PRKN: variants seen among roughly 807,000 people sequenced by gnomAD.
PRKN encodes the protein parkin RBR E3 ubiquitin protein ligase, also known as E3 ubiquitin-protein ligase parkin.
PRKN carries 56 observed loss-of-function variants against 59.5 expected under a neutral mutation model. The ratio of observed to expected loss-of-function variants is 0.94; its 90% CI spans 0.76 to 1.18. The LOEUF (loss-of-function observed/expected upper bound fraction) is 1.18, where lower values mean the gene tolerates loss of function less well. Among genes scored for constraint, PRKN ranks in the 50% most tolerant of loss-of-function variants. The probability of loss-of-function intolerance (pLI) is 0.00; values close to 1 mark genes in which losing one functional copy is unlikely to be tolerated. For synonymous variants in PRKN, 250 were observed against 222.1 expected (o/e 1.13, Z -1.12); for missense variants, 657 against 596.4 (o/e 1.10, Z -1.06).
Position 162,588,013 on chromosome 6 carries a change from G to GTTTTTTT in PRKN, c.7+139642_7+139648dup, listed in dbSNP as rs71004102. On this transcript the variant is annotated intron_variant, in intron 1 of 11. Transcript: ENST00000366898. Reference sequence around the variant, plus strand: ...ATACTTGAACTAAGTGAGTTTTTGAGTTTTTTTTTTTTTTTTAGATGGAGT... The same window carrying GTTTTTTT: ...ATACTTGAACTAAGTGAGTTTTTGAGTTTTTTTTTTTTTTTTTTTTTTTAGATGGAGT... Among the ~76,000 whole-genome samples, 95 of 136,676 alleles carry GTTTTTTT rather than the reference G, an allele frequency of 7.0e-4. 1 individual carries two copies. The East Asian group carries it at 9.7e-3, about 14-fold the overall frequency. The allele number at this position is 136,676 out of a possible 152,430, so 89.7% of individuals were successfully genotyped here.
intron 7 of PRKN, among the ~76,000 whole-genome samples, chr6:161,737,333 CG>C (rs1467558020): frequency 6.6e-6 from 1 of 152,088 alleles, no homozygotes; most frequent in African/African-American, 2.4e-5. Flanking sequence ...GGACAGCGGG[CG>C]CCCTTGCGAA....
intron 2 of PRKN, among the ~76,000 whole-genome samples, chr6:162,397,733 G>C (rs750970477): frequency 6.6e-6 from 1 of 152,154 alleles, no homozygotes; most frequent in Non-Finnish European, 1.5e-5. Context: ...GAGCACACTC[G>C]GCAGTAGAAA....
chr6:162,272,647 C>T (rs1278358859), intron 2 of PRKN, among the ~76,000 whole-genome samples: 1 of 152,036 alleles, frequency 6.6e-6, no homozygotes, highest in African/African-American at 2.4e-5. Context: ...AAATCATATA[C>T]CTCCGCGATT....
At position 161,977,541 on chromosome 6, in the gene PRKN, G is replaced by GTTTTTTTTTTTTTTTTTTTTTTTTT. The variant is rs1562433349; in HGVS notation, c.619-4125_619-4124insAAAAAAAAAAAAAAAAAAAAAAAAA. On this transcript the variant is annotated intron_variant, in intron 5 of 11. Coordinates refer to ENST00000366898, the MANE Select transcript of PRKN (RefSeq NM_004562.3). ...TATCTTCTCTACTTTCTGTTTTTTTGGTTTTTTTTTTTTTTTTTTTTTTTA... is the reference window on the plus strand; with the variant it reads ...TATCTTCTCTACTTTCTGTTTTTTTGTTTTTTTTTTTTTTTTTTTTTTTTTGTTTTTTTTTTTTTTTTTTTTTTTA... 4.1e-5 allele frequency among the ~76,000 whole-genome samples: 4 copies of GTTTTTTTTTTTTTTTTTTTTTTTTT among 98,714 alleles called. 2 individuals are homozygous for GTTTTTTTTTTTTTTTTTTTTTTTTT. The highest frequency in any genetic ancestry group is 9.2e-5 in the African/African-American group (2 of 21,650). The allele number at this position is 98,714 out of a possible 152,430, so 64.8% of individuals were successfully genotyped here.
chr6:161,757,425 G>A (rs1232393604), intron 7 of PRKN, among the ~76,000 whole-genome samples: 3 of 152,030 alleles, frequency 2.0e-5, no homozygotes, highest in Non-Finnish European at 4.4e-5. Context: ...AGCAACCACT[G>A]CACTCCAGCC....
chr6:162,282,746 G>A (rs1340948214), intron 2 of PRKN, among the ~76,000 whole-genome samples: 1 of 152,150 alleles, frequency 6.6e-6, no homozygotes, highest in East Asian at 1.9e-4. Context: ...ATTATTATTA[G>A]CCCATTTGTC....
At chr6:162,370,186 C>T (rs940097614) in intron 2 of PRKN, among the ~76,000 whole-genome samples, 5 of 152,290 alleles carry the variant, frequency 3.3e-5, no homozygotes, top group South Asian at 2.1e-4. Flanking sequence ...GACTGCATCT[C>T]GTTTTCTCAT....
intron 1 of PRKN, among the ~76,000 whole-genome samples, chr6:162,678,090 A>C (rs889706207): frequency 2.0e-5 from 3 of 152,210 alleles, no homozygotes; most frequent in African/African-American, 7.2e-5. Context: ...CTTTCCTTCC[A>C]CACAATGATT....
In PRKN at chr6:161,502,147, C is replaced by T. The variant is rs1777986942; in HGVS notation, c.1083+46707G>A. 1.3e-5 allele frequency among the ~76,000 whole-genome samples: 2 copies of T among 152,176 alleles called. No individual in the cohort carries two copies. The highest frequency in any genetic ancestry group is 2.9e-5 in the Non-Finnish European group (2 of 68,038). On this transcript the variant is annotated intron_variant, in intron 9 of 11. Coordinates refer to ENST00000366898, the MANE Select transcript of PRKN (RefSeq NM_004562.3). The surrounding 1 kb of genome is among the most constrained non-coding windows in gnomAD (Gnocchi z 4.0). The stretch of plus-strand genomic sequence containing the variant: ...CAACTCTGAAATGCATTATCCTGAT[C>T]ATCATTGTTGCTAATCATGTCCATT...
chr6:161,439,702 G>T (rs867947201), intron 9 of PRKN, among the ~76,000 whole-genome samples: 4 of 104,252 alleles, frequency 3.8e-5, no homozygotes, highest in African/African-American at 7.6e-5. Context: ...AAGGAAGCTA[G>T]ATTTTTTTTT....
intron 9 of PRKN, among the ~76,000 whole-genome samples, chr6:161,494,300 G>C (rs572666882): frequency 6.6e-6 from 1 of 152,200 alleles, no homozygotes; most frequent in Admixed American, 6.5e-5. Context: ...CTGCTCTCCA[G>C]GTAGGTCAAG....
chr6:162,587,168 ACT>A (rs1316755589), intron 1 of PRKN, among the ~76,000 whole-genome samples: 3 of 152,102 alleles, frequency 2.0e-5, no homozygotes, highest in Non-Finnish European at 4.4e-5. Flanking sequence ...ATGGAGTCTC[ACT>A]CTGTTACCCA....
intron 6 of PRKN, among the ~76,000 whole-genome samples, chr6:161,909,306 G>C (rs1778265970): frequency 6.6e-6 from 1 of 152,108 alleles, no homozygotes; most frequent in African/African-American, 2.4e-5. Context: ...TTTAAAGAAG[G>C]TGACTTGTTT....
chr6:161,925,313 T>A (rs1778927814), intron 6 of PRKN, among the ~76,000 whole-genome samples: 1 of 152,134 alleles, frequency 6.6e-6, no homozygotes, highest in African/African-American at 2.4e-5. Context: ...GGTTCAGGTG[T>A]GTAATCCCAG....
intron 6 of PRKN, among the ~76,000 whole-genome samples, chr6:161,790,920 A>T (rs1209157172): frequency 1.3e-5 from 2 of 152,182 alleles, no homozygotes; most frequent in East Asian, 3.9e-4. Context: ...GTTACTAAGA[A>T]CTGGACTATG....
At chr6:161,521,665 C>T (rs1227573781) in intron 9 of PRKN, among the ~76,000 whole-genome samples, 6 of 152,110 alleles carry the variant, frequency 3.9e-5, no homozygotes, top group African/African-American at 7.2e-5. Context: ...ACATTACTAA[C>T]GTGGCAAGCT....
intron 1 of PRKN, among the ~76,000 whole-genome samples, chr6:162,572,167 G>A (rs1000609413): frequency 1.3e-5 from 2 of 152,064 alleles, no homozygotes; most frequent in Non-Finnish European, 2.9e-5. Flanking sequence ...GAATGTCCAC[G>A]TAGGTTCTGA....
At chr6:162,216,412 C>G (rs2128077717) in intron 3 of PRKN, among the ~76,000 whole-genome samples, 1 of 151,340 alleles carries the variant, frequency 6.6e-6, no homozygotes, top group Non-Finnish European at 1.5e-5. Context: ...CGCCTGTAGT[C>G]CCAGCTACTC....
intron 1 of PRKN, among the ~76,000 whole-genome samples, chr6:162,721,444 AC>A (rs1255184676): frequency 6.6e-6 from 1 of 152,138 alleles, no homozygotes; most frequent in African/African-American, 2.4e-5. Flanking sequence ...CCTATCGCCA[AC>A]TTTAAACCTA....
Sources: gnomAD v4.1 joint callset for allele counts (sites outside exome capture counted in the v4.1 genomes callset) on GRCh38, gnomAD v4.1.1 for gene constraint, Gnocchi (gnomAD v3.1) non-coding constraint, MANE v1.5 for transcripts, NCBI Gene and HGNC (gene_info 2026-07-23, HGNC 2026-07-21) for gene names.